Variants in LRP11 observed in about 807,000 individuals in gnomAD.
The protein encoded by LRP11 is LDL receptor related protein 11, also known as low-density lipoprotein receptor-related protein 11.
LRP11 carries 25 observed loss-of-function variants against 43.1 expected under a neutral mutation model. That is an observed-to-expected ratio of 0.58 (90% CI 0.42 to 0.81). The LOEUF is 0.81. LRP11 is among the 30% of genes least tolerant of loss of function. The probability of loss-of-function intolerance (pLI) is 0.00; values close to 1 mark genes in which losing one functional copy is unlikely to be tolerated. For synonymous variants in LRP11, 316 were observed against 299.4 expected, an observed-to-expected ratio of 1.06 and a Z score of -0.57; for missense variants, 623 against 665.1, an observed-to-expected ratio of 0.94 and a Z score of 0.70.
Position 149,863,838 on chromosome 6 carries a change from C to T in LRP11, c.183G>A (p.Glu61=). The T allele has an allele frequency of 6.6e-7, 1 of 1,511,396 alleles. No homozygotes were observed. Among genetic ancestry groups the T allele is most frequent in the Non-Finnish European group, 8.8e-7 (1 of 1,138,448 alleles). 93.6% of individuals were successfully genotyped at this position (1,511,396 alleles called of 1,614,324 possible). A position where few individuals can be genotyped will look rare whatever the true frequency, so the allele number is the denominator to read the frequency against. ...GCTCCTGCTGCAGTTGCCGGCGGAA[C>T]TCCTCCAGCAGCTGCTCCACGCCCG... The part of the protein sequence containing the change: ...QLSGVEQLLE[E]FRRQLQQERP... The change falls in exon 1 of 7, where the codon GAG becomes GAA. Residue 61 remains glutamate (E), a synonymous_variant. Coordinates refer to ENST00000239367, the MANE Select transcript of LRP11 (RefSeq NM_032832.6).
At chr6:149,837,543 G>T in intron 3 of LRP11, 80 bp from the exon 4 acceptor site, 2 of 1,445,778 alleles carry the variant, frequency 1.4e-6, no homozygotes, top group South Asian at 1.3e-5. Flanking sequence ...GGAGTCCGTG[G>T]GGATGATAAA....
intron 1 of LRP11, 38 bp from the exon 2 acceptor site, chr6:149,853,198 C>A: frequency 2.7e-6 from 4 of 1,485,330 alleles, no homozygotes; most frequent in Non-Finnish European, 3.6e-6. Flanking sequence ...AAGATGATTT[C>A]TTATTTTTTC....
At chr6:149,829,809 C>A (rs1776385364) in intron 5 of LRP11, among the ~76,000 whole-genome samples, 2 of 151,922 alleles carry the variant, frequency 1.3e-5, no homozygotes, top group Admixed American at 1.3e-4. Context: ...CACTACTGCA[C>A]TATTTCTATT....
chr6:149,835,655 G>T (rs1056956311), intron 5 of LRP11, among the ~76,000 whole-genome samples: 1 of 152,072 alleles, frequency 6.6e-6, no homozygotes, highest in Admixed American at 6.6e-5. Flanking sequence ...TTTAGTGATA[G>T]ATTTAGTTAA....
chr6:149,839,023 C>T (rs1420817797), intron 3 of LRP11, among the ~76,000 whole-genome samples: 5 of 151,668 alleles, frequency 3.3e-5, no homozygotes, highest in African/African-American at 1.2e-4. Context: ...AGTTCACAAA[C>T]CCAAGTGAAA....
chr6:149,862,042 G>A (rs1776909580), intron 1 of LRP11, among the ~76,000 whole-genome samples: 2 of 152,194 alleles, frequency 1.3e-5, no homozygotes, highest in Non-Finnish European at 2.9e-5. Context: ...AACAGCCGTG[G>A]TGGGCCTCAG....
At chr6:149,840,777 C>T (rs1421021181) in intron 3 of LRP11, among the ~76,000 whole-genome samples, 1 of 152,210 alleles carries the variant, frequency 6.6e-6, no homozygotes, top group East Asian at 1.9e-4. Flanking sequence ...CCCAGATCTA[C>T]AGAAGTGAGC....
chr6:149,863,720 G>C lies in LRP11; in HGVS notation c.301C>G (p.Pro101Ala). ...GPGSGGYSAM[P>A]DAIIRTKDSL... ...TCCTTGGTGCGGATGATGGCGTCAG[G>C]CATTGCGCTGTAGCCGCCGCTGCCC... Residue 101 changes from proline to alanine, a missense_variant, in exon 1 of 7, where the codon CCT becomes GCT. Coordinates refer to ENST00000239367, the MANE Select transcript of LRP11 (RefSeq NM_032832.6). 6.8e-7 allele frequency: 1 copy of C among 1,481,358 alleles called. No individual in the cohort carries two copies. Among genetic ancestry groups the C allele is most frequent in the Non-Finnish European group, 8.9e-7 (1 of 1,122,790 alleles). The allele number at this position is 1,481,358 out of a possible 1,614,324, so 91.8% of individuals were successfully genotyped here.
chr6:149,846,735 T>C (rs2210683), intron 2 of LRP11, among the ~76,000 whole-genome samples: 74,057 of 151,768 alleles, frequency 0.49, 20,024 homozygotes, highest in East Asian at 0.84. Flanking sequence ...GCCAGGAGTT[T>C]GAGACCAGCC....
intron 3 of LRP11, among the ~76,000 whole-genome samples, chr6:149,839,137 C>G (rs972163582): frequency 6.6e-6 from 1 of 151,474 alleles, no homozygotes; most frequent in Non-Finnish European, 1.5e-5. Flanking sequence ...TCAAGCAATC[C>G]TCCTGCCTCA....
chr6:149,834,104 T>C (rs894272700), intron 5 of LRP11, among the ~76,000 whole-genome samples: 10 of 152,190 alleles, frequency 6.6e-5, no homozygotes, highest in Non-Finnish European at 8.8e-5. Context: ...TCGGCTTCCA[T>C]TTCTAACGTG....
At chr6:149,844,671 T>C (rs78471572) in intron 2 of LRP11, among the ~76,000 whole-genome samples, 6,340 of 152,322 alleles carry the variant, frequency 0.042, 456 homozygotes, top group African/African-American at 0.14. Flanking sequence ...GCTGACCATT[T>C]GACATTCTAT....
At position 149,842,355 on chromosome 6, in the gene LRP11, GCTAA is replaced by G. The variant is rs201383974; in HGVS notation, c.913+624_913+627del. Among the ~76,000 whole-genome samples, 552 of 152,232 alleles carry G rather than the reference GCTAA, an allele frequency of 3.6e-3. 3 individuals carry two copies. The highest frequency in any genetic ancestry group is 0.013 in the African/African-American group (532 of 41,552). ...TTGCATTGTGGAATGATTACATCAAGCTAACTGACATATCTATCATCTCCCCTAC... is the reference window on the plus strand; with the variant it reads ...TTGCATTGTGGAATGATTACATCAAGCTGACATATCTATCATCTCCCCTAC... On this transcript the variant is annotated intron_variant, in intron 3 of 6. Coordinates refer to ENST00000239367, the MANE Select transcript of LRP11 (RefSeq NM_032832.6).
At chr6:149,847,453 G>T (rs1219769206) in intron 2 of LRP11, among the ~76,000 whole-genome samples, 5 of 152,174 alleles carry the variant, frequency 3.3e-5, no homozygotes, top group Non-Finnish European at 5.9e-5. Context: ...AGAAGATGTA[G>T]AACTGTCACA....
intron 2 of LRP11, 21 bp downstream of exon 2, chr6:149,852,982 A>G (rs1340557191): frequency 1.3e-6 from 2 of 1,556,640 alleles, no homozygotes; most frequent in Admixed American, 2.0e-5. Context: ...CGTTTTTGTT[A>G]GCAGTGACAA....
intron 1 of LRP11, among the ~76,000 whole-genome samples, chr6:149,855,915 T>C (rs1013093287): frequency 6.6e-6 from 1 of 152,144 alleles, no homozygotes; most frequent in African/African-American, 2.4e-5. Flanking sequence ...ACACGGAGTG[T>C]CTGATGTCTT....
rs57292379 is a variant in LRP11 at position 149,847,824 on chromosome 6, T to TACACAC, written c.772-4706_772-4701dup. On this transcript the variant is annotated intron_variant, in intron 2 of 6. Coordinates refer to ENST00000239367, the MANE Select transcript of LRP11 (RefSeq NM_032832.6). Reference sequence around the variant, plus strand: ...CTTCTCATATATGTCTAAACTAAATTACACACACACACACACACACACACA... The same window carrying TACACAC: ...CTTCTCATATATGTCTAAACTAAATTACACACACACACACACACACACACACACACA... 3.9e-3 allele frequency among the ~76,000 whole-genome samples: 515 copies of TACACAC among 131,112 alleles called. 2 individuals are homozygous for TACACAC. Among genetic ancestry groups the TACACAC allele is most frequent in the South Asian group, 0.011 (38 of 3,544 alleles). The allele number at this position is 131,112 out of a possible 152,430, so 86.0% of individuals were successfully genotyped here.
intron 5 of LRP11, among the ~76,000 whole-genome samples, chr6:149,830,646 A>C (rs1776397046): frequency 6.6e-6 from 1 of 152,206 alleles, no homozygotes; most frequent in Non-Finnish European, 1.5e-5. Flanking sequence ...GTTCATGTAA[A>C]AAACTATGCA....
intron 2 of LRP11, among the ~76,000 whole-genome samples, chr6:149,849,601 TA>T (rs554892149): frequency 6.7e-6 from 1 of 149,668 alleles, no homozygotes; most frequent in African/African-American, 2.4e-5. Flanking sequence ...TACAAAAAGT[TA>T]AAAAAAAAAT....
Sources: allele counts gnomAD v4.1 joint callset (sites outside exome capture counted in the v4.1 genomes callset), GRCh38; gene constraint gnomAD v4.1.1; transcripts MANE v1.5; gene names NCBI Gene and HGNC (gene_info 2026-07-23, HGNC 2026-07-21).